The following LPXN variants were observed in gnomAD, a reference collection of about 807,000 sequenced individuals.
LPXN encodes leupaxin.
A neutral mutation model predicts 45.6 loss-of-function variants in LPXN; 28 were observed. The observed-to-expected ratio is 0.61, with a 90% CI of 0.45 to 0.84. LPXN has a LOEUF of 0.84. Ranked by LOEUF, LPXN falls within the 40% of genes least tolerant of loss-of-function variation. The pLI, the probability that LPXN is intolerant of heterozygous loss-of-function variation, is 0.00. For missense variants in LPXN, 459 were observed against 475.0 expected (o/e 0.97, Z 0.31); for synonymous variants, 166 against 169.9 (o/e 0.98, Z 0.18).
chr11:58,554,029 T>G (rs1336744641), intron 4 of LPXN: 2 of 152,752 alleles, frequency 1.3e-5, no homozygotes, highest in Admixed American at 1.3e-4. Flanking sequence ...ACAGTCCTTT[T>G]GGCCGGGCGC....
chr11:58,553,183 A>G (rs1325816881), intron 4 of LPXN, among the ~76,000 whole-genome samples: 1 of 152,092 alleles, frequency 6.6e-6, no homozygotes, highest in African/African-American at 2.4e-5. Flanking sequence ...TAAAAATACA[A>G]AAATTAGCTG....
At chr11:58,537,870 C>T (rs558260521) in intron 7 of LPXN, among the ~76,000 whole-genome samples, 63 of 149,950 alleles carry the variant, frequency 4.2e-4, no homozygotes, top group African/African-American at 1.5e-3. Context: ...GTGCTGCACC[C>T]ATTAACTCGT....
At chr11:58,565,096 A>G (rs1179526589) in intron 2 of LPXN, among the ~76,000 whole-genome samples, 3 of 152,154 alleles carry the variant, frequency 2.0e-5, no homozygotes, top group Non-Finnish European at 4.4e-5. Context: ...TATTTTTTAG[A>G]AAGAAAATGG....
At chr11:58,567,051 T>G (rs1354835934) in intron 2 of LPXN, among the ~76,000 whole-genome samples, 1 of 152,128 alleles carries the variant, frequency 6.6e-6, no homozygotes, top group Non-Finnish European at 1.5e-5. Context: ...TTATACATTT[T>G]GACAATTTTA....
upstream of LPXN, chr11:58,575,947 T>TC: frequency 6.9e-7 from 1 of 1,444,968 alleles, no homozygotes; most frequent in Non-Finnish European, 9.0e-7. Flanking sequence ...GAGCTTTTTT[T>TC]TTTTTTTCAT....
At chr11:58,543,344 T>C (rs1853785294) in intron 7 of LPXN, among the ~76,000 whole-genome samples, 1 of 152,172 alleles carries the variant, frequency 6.6e-6, no homozygotes, top group African/African-American at 2.4e-5. Flanking sequence ...CCCGAGTATA[T>C]TGCAATTTAG....
intron 7 of LPXN, among the ~76,000 whole-genome samples, chr11:58,536,032 AT>A (rs1239850031): frequency 6.6e-6 from 1 of 152,244 alleles, no homozygotes; most frequent in Non-Finnish European, 1.5e-5. Flanking sequence ...ATGGAAAAAT[AT>A]TCCATGCTTC....
intron 1 of LPXN, 34 bp downstream of exon 1, chr11:58,575,726 T>C (rs146929860): frequency 6.2e-7 from 1 of 1,613,674 alleles, no homozygotes; most frequent in African/African-American, 1.3e-5. Flanking sequence ...AAGTCTTCAC[T>C]CCCTCAGAGT....
chr11:58,543,103 ACT>A (rs751078176), intron 7 of LPXN, among the ~76,000 whole-genome samples: 3 of 151,298 alleles, frequency 2.0e-5, no homozygotes, highest in South Asian at 2.1e-4. Context: ...CTACCTAATC[ACT>A]CTCTCTCTCG....
At chr11:58,578,181 C>CA, upstream of LPXN, 9 of 1,207,512 alleles carry the variant, frequency 7.5e-6, no homozygotes, top group Non-Finnish European at 1.0e-5. Flanking sequence ...AAAACCCTCC[C>CA]ATCAGACCAG....
intron 7 of LPXN, among the ~76,000 whole-genome samples, chr11:58,542,609 A>G (rs1853763586): frequency 1.3e-5 from 2 of 152,082 alleles, no homozygotes; most frequent in African/African-American, 4.8e-5. Flanking sequence ...AGTTGTTTCC[A>G]ATGTTTGGAA....
intron 6 of LPXN, 35 bp from the exon 7 acceptor site, chr11:58,549,902 A>C: frequency 1.2e-6 from 2 of 1,613,878 alleles, no homozygotes; most frequent in Non-Finnish European, 1.7e-6. Context: ...ATAATGATGC[A>C]GAAGTTGTAA....
intron 7 of LPXN, among the ~76,000 whole-genome samples, chr11:58,533,494 C>A (rs541014746): frequency 6.6e-6 from 1 of 152,116 alleles, no homozygotes; most frequent in Non-Finnish European, 1.5e-5. Context: ...TACCACCAGG[C>A]CTGCCTTACA....
Position 58,541,633 on chromosome 11 carries a change from G to A in LPXN, c.742+8153C>T, listed in dbSNP as rs1271029107. On this transcript the variant is annotated intron_variant, in intron 7 of 8. Coordinates refer to ENST00000395074, the MANE Select transcript of LPXN (RefSeq NM_004811.3). ...CAACCATTGTGGAAGTCAGTGTGGCGATTCCTCAGGGATCTAGAACTAGAA... is the reference window on the plus strand; with the variant it reads ...CAACCATTGTGGAAGTCAGTGTGGCAATTCCTCAGGGATCTAGAACTAGAA... 3.0e-4 allele frequency among the ~76,000 whole-genome samples: 45 copies of A among 150,164 alleles called. 1 individual carries two copies. The highest frequency in any genetic ancestry group is 3.7e-4 in the Non-Finnish European group (25 of 67,592).
Position 58,546,156 on chromosome 11 carries a change from G to A in LPXN, c.742+3630C>T, listed in dbSNP as rs189774432. Among the ~76,000 whole-genome samples, 327 of 152,208 alleles carry A rather than the reference G, an allele frequency of 2.1e-3. 3 individuals are homozygous for A. The highest frequency in any genetic ancestry group is 0.016 in the South Asian group (76 of 4,822). ...AGAATTTAAAGTAGATTTTAAGAGT[G>A]GTACCTGGCTTAACATAAATAAGAA... On this transcript the variant is annotated intron_variant, in intron 7 of 8. Transcript: ENST00000395074.
intron 3 of LPXN, among the ~76,000 whole-genome samples, chr11:58,563,492 T>C (rs1307668258): frequency 6.6e-6 from 1 of 152,256 alleles, no homozygotes; most frequent in Non-Finnish European, 1.5e-5. Flanking sequence ...ATCTTTACTA[T>C]CTATATTTTA....
chr11:58,558,912 T>C (rs1203807163), intron 3 of LPXN, among the ~76,000 whole-genome samples: 1 of 151,760 alleles, frequency 6.6e-6, no homozygotes, highest in Non-Finnish European at 1.5e-5. Context: ...ATTTCAAAAA[T>C]GAAAAAAATA....
intron 7 of LPXN, among the ~76,000 whole-genome samples, chr11:58,541,669 AC>A (rs1853727624): frequency 6.6e-6 from 1 of 150,486 alleles, no homozygotes; most frequent in African/African-American, 2.4e-5. Flanking sequence ...ATACCATTTG[AC>A]CCAGCCATCC....
intron 7 of LPXN, among the ~76,000 whole-genome samples, chr11:58,547,847 G>A (rs1853921640): frequency 2.0e-5 from 3 of 152,138 alleles, no homozygotes; most frequent in Admixed American, 2.0e-4. Flanking sequence ...TTTTATTTAT[G>A]AGAGGAGAAA....
Sources: gnomAD v4.1 joint callset for allele counts (sites outside exome capture counted in the v4.1 genomes callset) on GRCh38, gnomAD v4.1.1 for gene constraint, MANE v1.5 for transcripts, NCBI Gene and HGNC (gene_info 2026-07-23, HGNC 2026-07-21) for gene names.